ANKRD11: variants seen among roughly 807,000 people sequenced by gnomAD.
ANKRD11 encodes ankyrin repeat domain 11.
ANKRD11 carries 17 observed loss-of-function variants against 195.7 expected under a neutral mutation model. The observed-to-expected ratio is 0.09, with a 90% CI of 0.06 to 0.13. The LOEUF (loss-of-function observed/expected upper bound fraction) is 0.13, where lower values mean the gene tolerates loss of function less well. Ranked by LOEUF, ANKRD11 falls within the 10% of genes least tolerant of loss-of-function variation. The pLI is 1.00. For missense variants in ANKRD11, 3,735 were observed against 3,566.1 expected (o/e 1.05, Z -1.21); for synonymous variants, 1,953 against 1,528.1 (o/e 1.28, Z -6.49).
At position 89,282,804 on chromosome 16, in the gene ANKRD11, G is replaced by A. The variant is rs541050910; in HGVS notation, c.3738C>T (p.His1246=). 18 of 1,611,128 alleles carry A rather than the reference G, an allele frequency of 1.1e-5. No homozygotes were observed. In the East Asian group the frequency reaches 2.2e-4, roughly 20 times the overall value. Reference sequence around the variant, plus strand: ...TGCTTTTAGCCTTGTCTTCGGCAGCGTGCTTCTTTTCAGCCTTCTCGGGGA... The same window carrying A: ...TGCTTTTAGCCTTGTCTTCGGCAGCATGCTTCTTTTCAGCCTTCTCGGGGA... ...QKLPEKAEKK[H]AAEDKAKSKH... Residue 1246 remains histidine (H), a synonymous_variant, in exon 9 of 13, where the codon CAC becomes CAT. Transcript: ENST00000301030.
chr16:89,329,995 A>AAAAATAAAAT (rs71134203), intron 2 of ANKRD11, among the ~76,000 whole-genome samples: 9,282 of 146,230 alleles, frequency 0.063, 363 homozygotes, highest in Middle Eastern at 0.14. Flanking sequence ...ACCTTGTCTC[A>AAAAATAAAAT]AAAATAAAAT....
intron 1 of ANKRD11, among the ~76,000 whole-genome samples, chr16:89,458,557 A>C (rs1216526477): frequency 6.6e-6 from 1 of 152,320 alleles, no homozygotes; most frequent in Non-Finnish European, 1.5e-5. Context: ...AACATTTTAC[A>C]TTAAAGAAAA....
intron 2 of ANKRD11, among the ~76,000 whole-genome samples, chr16:89,355,735 C>T (rs377475977): frequency 9.2e-5 from 14 of 152,184 alleles, no homozygotes; most frequent in African/African-American, 2.7e-4. Flanking sequence ...AGCATCCACC[C>T]GTCGAGGGCA....
chr16:89,311,576 T>C (rs2036608871), intron 3 of ANKRD11, among the ~76,000 whole-genome samples: 1 of 151,966 alleles, frequency 6.6e-6, no homozygotes, highest in South Asian at 2.1e-4. Context: ...ATACAAAAAT[T>C]AACTAGAAAT....
chr16:89,305,646 TCACTCCGCAGACACGCGCTACCTCC>T (rs2036149616), intron 3 of ANKRD11, among the ~76,000 whole-genome samples: 6 of 126,574 alleles, frequency 4.7e-5, no homozygotes, highest in Admixed American at 8.3e-5. Flanking sequence ...GCGCTACCTC[TCACTCCGCAGACACGCGCTACCTCC>T]CACTCCGCAG....
intron 1 of ANKRD11, among the ~76,000 whole-genome samples, chr16:89,437,280 C>T (rs2043254699): frequency 6.6e-6 from 1 of 152,184 alleles, no homozygotes; most frequent in Non-Finnish European, 1.5e-5. Flanking sequence ...GCTAATATGA[C>T]AGAGAATTTT....
chr16:89,487,139 C>A (rs543064986), intron 1 of ANKRD11, among the ~76,000 whole-genome samples: 10 of 152,266 alleles, frequency 6.6e-5, no homozygotes, highest in South Asian at 6.2e-4. Flanking sequence ...ACGGGCCACA[C>A]TGAATTCCCA....
At chr16:89,278,202 G>A (rs1431027620) in intron 9 of ANKRD11, 1 of 313,986 alleles carries the variant, frequency 3.2e-6, no homozygotes, top group Non-Finnish European at 6.2e-6. Flanking sequence ...CCTGAGAACA[G>A]GAGGGCAGGG....
intron 1 of ANKRD11, among the ~76,000 whole-genome samples, chr16:89,423,638 C>T (rs1009429068): frequency 5.3e-5 from 8 of 152,210 alleles, no homozygotes; most frequent in Admixed American, 4.6e-4. Context: ...AACATGTGAG[C>T]CCACCATTAC....
At chr16:89,299,947 C>G (rs2035733749) in intron 4 of ANKRD11, 1 of 169,062 alleles carries the variant, frequency 5.9e-6, no homozygotes, top group East Asian at 2.6e-4. Flanking sequence ...TGCATGGGGT[C>G]TGTGCCCTGT....
At chr16:89,487,646 C>T (rs1259003811) in intron 1 of ANKRD11, among the ~76,000 whole-genome samples, 3 of 151,868 alleles carry the variant, frequency 2.0e-5, no homozygotes, top group South Asian at 2.1e-4. Context: ...TGGCGGTGGG[C>T]GCCTGTAATC....
chr16:89,479,180 G>C (rs1046649991), intron 1 of ANKRD11, among the ~76,000 whole-genome samples: 1 of 152,068 alleles, frequency 6.6e-6, no homozygotes. Flanking sequence ...TCAGGTGACA[G>C]TTAACTGACG....
chr16:89,481,661 T>C (rs774890315), intron 1 of ANKRD11, among the ~76,000 whole-genome samples: 12 of 152,162 alleles, frequency 7.9e-5, no homozygotes, highest in Non-Finnish European at 1.5e-4. Flanking sequence ...TCAAAACAAG[T>C]AAGCAAATGA....
At chr16:89,375,150 C>G (rs1004689144) in intron 2 of ANKRD11, among the ~76,000 whole-genome samples, 3 of 152,070 alleles carry the variant, frequency 2.0e-5, no homozygotes, top group Non-Finnish European at 4.4e-5. Context: ...CCACACTGCA[C>G]GCTGTAATGA....
chr16:89,487,632 G>C (rs2057664243), intron 1 of ANKRD11, among the ~76,000 whole-genome samples: 1 of 152,096 alleles, frequency 6.6e-6, no homozygotes, highest in South Asian at 2.1e-4. Flanking sequence ...AAATTAGCCA[G>C]GCGTGGCGGT....
intron 2 of ANKRD11, among the ~76,000 whole-genome samples, chr16:89,354,480 T>C (rs1221136715): frequency 6.6e-6 from 1 of 152,184 alleles, no homozygotes; most frequent in African/African-American, 2.4e-5. Flanking sequence ...AGTGGAAATG[T>C]CACAGAGGGC....
At chr16:89,388,591 A>C (rs2041032583) in intron 2 of ANKRD11, among the ~76,000 whole-genome samples, 1 of 152,160 alleles carries the variant, frequency 6.6e-6, no homozygotes, top group African/African-American at 2.4e-5. Context: ...ACTGGGAATA[A>C]GGATCACTGG....
At chr16:89,428,101 G>A (rs1259403945) in intron 1 of ANKRD11, among the ~76,000 whole-genome samples, 5 of 151,816 alleles carry the variant, frequency 3.3e-5, no homozygotes, top group South Asian at 4.2e-4. Flanking sequence ...CCAGCTACTC[G>A]GGAGGCTGAG....
intron 2 of ANKRD11, among the ~76,000 whole-genome samples, chr16:89,411,415 T>C (rs914866558): frequency 6.6e-6 from 1 of 152,166 alleles, no homozygotes; most frequent in Non-Finnish European, 1.5e-5. Context: ...ATGGTCTACA[T>C]TTCTTCCTTT....
Sources: allele counts gnomAD v4.1 joint callset (sites outside exome capture counted in the v4.1 genomes callset), GRCh38; gene constraint gnomAD v4.1.1; transcripts MANE v1.5; gene names NCBI Gene and HGNC (gene_info 2026-07-23, HGNC 2026-07-21).